The following RASGRF2 variants were observed in gnomAD, a reference collection of about 807,000 sequenced individuals.
The protein encoded by RASGRF2 is Ras protein specific guanine nucleotide releasing factor 2, also known as ras-specific guanine nucleotide-releasing factor 2.
In RASGRF2, 76 loss-of-function variants were observed where a neutral mutation model predicts 151.0. That is an observed-to-expected ratio of 0.50 (90% CI 0.42 to 0.61). The LOEUF (loss-of-function observed/expected upper bound fraction) is 0.61. RASGRF2 is among the 20% of genes least tolerant of loss of function. The pLI is 0.00. For synonymous variants in RASGRF2, 504 were observed against 566.5 expected, an observed-to-expected ratio of 0.89 and a Z score of 1.57; for missense variants, 1,148 against 1,564.6, an observed-to-expected ratio of 0.73 and a Z score of 4.49.
chr5:81,050,675 C>T (rs1481988777), intron 2 of RASGRF2, among the ~76,000 whole-genome samples: 1 of 152,200 alleles, frequency 6.6e-6, no homozygotes, highest in Admixed American at 6.5e-5. Context: ...CTCTTAGCAG[C>T]TTGCATCTTT....
chr5:81,026,036 CTCCTTCCTTCCATCCT>C (rs1216987913), intron 1 of RASGRF2, among the ~76,000 whole-genome samples: 2 of 82,944 alleles, frequency 2.4e-5, no homozygotes, highest in African/African-American at 1.3e-4. Flanking sequence ...CCATCCTTCC[CTCCTTCCTTCCATCCT>C]TCCCTTCTTC....
intron 14 of RASGRF2, 43 bp from the exon 15 acceptor site, chr5:81,113,495 C>T (rs947010756): frequency 5.2e-6 from 8 of 1,524,074 alleles, no homozygotes; most frequent in Admixed American, 1.8e-5. Context: ...GAATTCATTT[C>T]ACTTGGCTAC....
At chr5:80,993,033 A>G (rs1748703752) in intron 1 of RASGRF2, among the ~76,000 whole-genome samples, 1 of 152,194 alleles carries the variant, frequency 6.6e-6, no homozygotes, top group South Asian at 2.1e-4. Context: ...TGTGTTTTGA[A>G]CTGTGTTCTC....
Position 81,086,840 on chromosome 5 carries a change from T to G in RASGRF2, c.1277T>G (p.Met426Arg). The change falls in exon 9 of 27, where the codon ATG becomes AGG. Residue 426 changes from methionine to arginine, a missense_variant. By Grantham distance (91) the Met-to-Arg change is moderately conservative. Coordinates refer to ENST00000265080, the MANE Select transcript of RASGRF2 (RefSeq NM_006909.3). ...KSKLEELSRV[M>R]HDEVSDTENI... ...CTGTCTGTGTTGTGTCACAGAGTAA[T>G]GCACGATGAAGTCAGCGACACTGAA... The G allele has an allele frequency of 6.2e-7, 1 of 1,610,824 alleles. No individual in the cohort carries two copies. Among genetic ancestry groups the G allele is most frequent in the Non-Finnish European group, 8.5e-7 (1 of 1,176,974 alleles).
At chr5:81,210,018 C>T (rs1361627235) in intron 22 of RASGRF2, 1 of 152,590 alleles carries the variant, frequency 6.6e-6, no homozygotes, top group Non-Finnish European at 1.5e-5. Flanking sequence ...TCTTCCCCAC[C>T]CTGCCTTCCC....
chr5:81,068,192 C>G lies in RASGRF2; in HGVS notation c.543+13C>G, dbSNP rs750487155. ...GCTTAAATCAGAGGTATTTCCCAGT[C>G]AATAGATTCCTTCTCATTGTTTCAC... On this transcript the variant is annotated intron_variant, in intron 3 of 26. Transcript: ENST00000265080. The G allele has an allele frequency of 2.5e-6, 4 of 1,603,630 alleles. No homozygotes were observed. The East Asian group carries it at 8.9e-5, about 36-fold the overall frequency.
chr5:81,181,143 C>A (rs892545570), intron 18 of RASGRF2, among the ~76,000 whole-genome samples: 1 of 152,160 alleles, frequency 6.6e-6, no homozygotes, highest in African/African-American at 2.4e-5. Context: ...TTATAAATGG[C>A]ACTCCCATGG....
chr5:80,994,834 G>T (rs1266456038), intron 1 of RASGRF2, among the ~76,000 whole-genome samples: 1 of 152,210 alleles, frequency 6.6e-6, no homozygotes, highest in Admixed American at 6.5e-5. Context: ...AAAAAGTTTG[G>T]TTGGGGTATA....
rs374560982 is a variant in RASGRF2, at chr5:81,137,130, CTG to C, written c.2686+9970_2686+9971del. On this transcript the variant is annotated intron_variant, in intron 17 of 26. Coordinates refer to ENST00000265080, the MANE Select transcript of RASGRF2 (RefSeq NM_006909.3). ...GAAAGTGAAGCACTTTCAGTAGAAA[CTG>C]TGCTTTAAGTATGCATACAACCATT... Among the ~76,000 whole-genome samples the C allele has an allele frequency of 2.0e-3, 298 of 152,238 alleles. 1 individual carries two copies. The highest frequency in any genetic ancestry group is 7.1e-3 in the African/African-American group (295 of 41,542).
At chr5:81,180,880 C>A (rs942383679) in intron 18 of RASGRF2, among the ~76,000 whole-genome samples, 14 of 152,018 alleles carry the variant, frequency 9.2e-5, no homozygotes, top group African/African-American at 3.4e-4. Context: ...TTTCAGTGCA[C>A]GTTTGTAGAA....
chr5:81,080,414 T>C (rs561376760), intron 6 of RASGRF2, among the ~76,000 whole-genome samples, 182 bp from the exon 7 acceptor site: 1 of 152,254 alleles, frequency 6.6e-6, no homozygotes, highest in East Asian at 1.9e-4. Flanking sequence ...CATAGTTAAT[T>C]TGGGGCTGGA....
intron 17 of RASGRF2, 52 bp from the exon 18 acceptor site, chr5:81,180,123 C>G: frequency 9.7e-7 from 1 of 1,031,634 alleles, no homozygotes; most frequent in Non-Finnish European, 1.5e-6. Context: ...TTTTCCAGGT[C>G]CCTAGGGAGT....
At chr5:81,050,309 C>T (rs956466076) in intron 2 of RASGRF2, among the ~76,000 whole-genome samples, 2 of 152,120 alleles carry the variant, frequency 1.3e-5, no homozygotes, top group African/African-American at 2.4e-5. Flanking sequence ...GAAGGAATTC[C>T]GGGGTTCCCA....
intron 2 of RASGRF2, among the ~76,000 whole-genome samples, chr5:81,047,141 C>CA (rs150318479): frequency 0.11 from 17,134 of 152,054 alleles, 1,248 homozygotes; most frequent in Non-Finnish European, 0.16. Context: ...GGTTTGTGGG[C>CA]AAAGATGATG....
At chr5:81,211,121 G>A (rs1335100361) in intron 22 of RASGRF2, among the ~76,000 whole-genome samples, 3 of 145,538 alleles carry the variant, frequency 2.1e-5, no homozygotes, top group Non-Finnish European at 4.5e-5. Flanking sequence ...TCCACCTGGG[G>A]CAATAGAGCA....
chr5:81,059,271 C>G (rs1271939637), intron 2 of RASGRF2, among the ~76,000 whole-genome samples: 2 of 151,554 alleles, frequency 1.3e-5, no homozygotes, highest in African/African-American at 4.8e-5. Flanking sequence ...GTAGTCCCAG[C>G]TACTAGGGAG....
At chr5:81,148,944 A>G (rs1227234932) in intron 17 of RASGRF2, among the ~76,000 whole-genome samples, 1 of 152,162 alleles carries the variant, frequency 6.6e-6, no homozygotes, top group Non-Finnish European at 1.5e-5. Flanking sequence ...TGCAATTAAA[A>G]CCACAAAGAG....
At chr5:81,217,569 CTCT>C (rs1755767317) in intron 25 of RASGRF2, 96 bp downstream of exon 25, 22 of 421,400 alleles carry the variant, frequency 5.2e-5, no homozygotes, top group South Asian at 1.4e-4. Flanking sequence ...TTTTTTTTTT[CTCT>C]TCTTTTTTTT....
rs112501036 is a variant in RASGRF2 at position 80,974,647 on chromosome 5, C to T, written c.288+13621C>T. On this transcript the variant is annotated intron_variant, in intron 1 of 26. Coordinates refer to ENST00000265080, the MANE Select transcript of RASGRF2 (RefSeq NM_006909.3). The stretch of plus-strand genomic sequence containing the variant: ...TATTCTTCAGTATGCCATTTCCATT[C>T]GACAAGCAAGGAGGTGTCCCTTCCC... Among the ~76,000 whole-genome samples the T allele has an allele frequency of 3.8e-3, 555 of 145,662 alleles. 7 individuals carry two copies. The highest frequency in any genetic ancestry group is 0.014 in the African/African-American group (538 of 39,662).
Sources: gnomAD v4.1 joint callset for allele counts (sites outside exome capture counted in the v4.1 genomes callset) on GRCh38, gnomAD v4.1.1 for gene constraint, MANE v1.5 for transcripts, NCBI Gene and HGNC (gene_info 2026-07-23, HGNC 2026-07-21) for gene names.